The following SH3PXD2B variants were observed in gnomAD, a reference collection of about 807,000 sequenced individuals.
The protein encoded by SH3PXD2B is SH3 and PX domain-containing protein 2B.
A neutral mutation model predicts 73.1 loss-of-function variants in SH3PXD2B; 37 were observed. The ratio of observed to expected loss-of-function variants is 0.51; its 90% CI spans 0.39 to 0.67. The LOEUF (loss-of-function observed/expected upper bound fraction) is 0.67. SH3PXD2B is among the 30% of genes least tolerant of loss of function. The pLI is 0.00. For synonymous variants in SH3PXD2B, 457 were observed against 480.5 expected, an observed-to-expected ratio of 0.95 and a Z score of 0.64; for missense variants, 1,053 against 1,197.8, an observed-to-expected ratio of 0.88 and a Z score of 1.78.
chr5:172,393,515 T>C (rs1428397825), intron 4 of SH3PXD2B, among the ~76,000 whole-genome samples: 1 of 152,236 alleles, frequency 6.6e-6, no homozygotes. Flanking sequence ...CAATACTCTT[T>C]CCTTCCCAAT....
At chr5:172,397,896 C>T (rs565826444) in intron 3 of SH3PXD2B, among the ~76,000 whole-genome samples, 2 of 152,332 alleles carry the variant, frequency 1.3e-5, no homozygotes, top group African/African-American at 4.8e-5. Flanking sequence ...CTCCCAGTTA[C>T]TGTAAAAGAA....
downstream of SH3PXD2B, among the ~76,000 whole-genome samples, chr5:172,332,757 C>CTGTT (rs986669867): frequency 5.3e-4 from 80 of 152,052 alleles, no homozygotes; most frequent in African/African-American, 1.8e-3. Flanking sequence ...TGGTGGTGTC[C>CTGTT]TGTTAGTCAC....
chr5:172,422,433 T>A lies in SH3PXD2B; in HGVS notation c.139A>T (p.Lys47Ter). The change falls in exon 2 of 13, where the codon AAG (lysine) becomes TAG (stop). Residue 47 changes from lysine (K) to a stop codon, truncating the protein, a stop_gained. Coordinates refer to ENST00000311601, the MANE Select transcript of SH3PXD2B (RefSeq NM_001017995.3). LOFTEE classifies it high-confidence loss of function. The stretch of plus-strand genomic sequence containing the variant: ...ATCCTTACCTGGAGGTCAAAAAACT[T>A]GCTGTAGCGCCGGTAAATGGCCTCG... Reference protein sequence around the residue: ...STEAIYRRYSKFFDLQMQMLD... With the variant: ...STEAIYRRYS 1 of 1,611,460 alleles carries A rather than the reference T, an allele frequency of 6.2e-7. No homozygotes were observed. Among genetic ancestry groups the A allele is most frequent in the Non-Finnish European group, 8.5e-7 (1 of 1,179,266 alleles).
chr5:172,434,986 T>C (rs1469690116), intron 1 of SH3PXD2B, among the ~76,000 whole-genome samples: 1 of 152,080 alleles, frequency 6.6e-6, no homozygotes, highest in Non-Finnish European at 1.5e-5. Flanking sequence ...GGTTTCGCCA[T>C]GTTGCTCAGG....
At chr5:172,359,379 C>A (rs1757349617) in intron 7 of SH3PXD2B, among the ~76,000 whole-genome samples, 1 of 81,956 alleles carries the variant, frequency 1.2e-5, no homozygotes, top group African/African-American at 5.0e-5. Flanking sequence ...AGAGTGAGAC[C>A]CCCATCTCAA....
At chr5:172,405,480 G>C (rs546635588) in intron 3 of SH3PXD2B, among the ~76,000 whole-genome samples, 36 of 152,350 alleles carry the variant, frequency 2.4e-4, no homozygotes, top group African/African-American at 8.7e-4. Context: ...TGTTGGCTGG[G>C]AGATGGAGAG....
intron 6 of SH3PXD2B, among the ~76,000 whole-genome samples, chr5:172,365,945 TTC>T (rs1302656572): frequency 6.6e-6 from 1 of 152,194 alleles, no homozygotes; most frequent in Non-Finnish European, 1.5e-5. Context: ...GCAGTTTCCC[TTC>T]TGTCTGGGCC....
intron 6 of SH3PXD2B, among the ~76,000 whole-genome samples, chr5:172,365,521 G>A (rs147252899): frequency 1.6e-3 from 239 of 152,306 alleles, no homozygotes; most frequent in African/African-American, 5.5e-3. Flanking sequence ...GTCAGGCTCA[G>A]TCTGACATCT....
chr5:172,444,687 C>T (rs1274950044), intron 1 of SH3PXD2B, among the ~76,000 whole-genome samples: 1 of 152,222 alleles, frequency 6.6e-6, no homozygotes, highest in East Asian at 1.9e-4. Flanking sequence ...ACTGTCTGCA[C>T]ATGGCTCATT....
At chr5:172,382,927 A>G (rs1432083711) in intron 4 of SH3PXD2B, among the ~76,000 whole-genome samples, 1 of 151,012 alleles carries the variant, frequency 6.6e-6, no homozygotes, top group Non-Finnish European at 1.5e-5. Flanking sequence ...TAGTAGAGAC[A>G]GGGTTTCGGC....
intron 6 of SH3PXD2B, among the ~76,000 whole-genome samples, chr5:172,363,954 T>A (rs1757453160): frequency 6.6e-6 from 1 of 152,162 alleles, no homozygotes; most frequent in Admixed American, 6.5e-5. Context: ...GACTAGCTGG[T>A]AGACATGAAG....
chr5:172,435,605 G>A (rs1434217371), intron 1 of SH3PXD2B, among the ~76,000 whole-genome samples: 1 of 152,040 alleles, frequency 6.6e-6, no homozygotes, highest in Non-Finnish European at 1.5e-5. Flanking sequence ...AAATTTTTTT[G>A]TAGAGATGGG....
At position 172,338,325 on chromosome 5, in the gene SH3PXD2B, A is replaced by T; in HGVS notation, c.*44T>A. The T allele has an allele frequency of 6.2e-7, 1 of 1,613,318 alleles. No individual in the cohort carries two copies. Among genetic ancestry groups the T allele is most frequent in the Non-Finnish European group, 8.5e-7 (1 of 1,180,032 alleles). ...AGAGGCGTATTAAATACGTGGGTAA[A>T]GCCAGCAAGGACCAGCGGGCCCTCT... On this transcript the variant is annotated 3_prime_UTR_variant, in exon 13 of 13. Transcript: ENST00000311601. The surrounding 1 kb of genome is among the most constrained non-coding windows in gnomAD (Gnocchi z 5.1).
In SH3PXD2B at chr5:172,346,368, G is replaced by A. The variant is rs1756999610; in HGVS notation, c.1063-107C>T. 14 of 1,547,484 alleles carry A rather than the reference G, an allele frequency of 9.0e-6. No individual in the cohort carries two copies. The East Asian group carries it at 3.2e-4, about 35-fold the overall frequency. On this transcript the variant is annotated intron_variant, in intron 11 of 12. Transcript: ENST00000311601. ...GGCATGCAATCACCCTTAAGGGGGT[G>A]CTGGGGACCTAGTTGGATTCTAAGG...
chr5:172,341,675 G>A (rs968536778), intron 12 of SH3PXD2B, among the ~76,000 whole-genome samples: 1 of 152,160 alleles, frequency 6.6e-6, no homozygotes, highest in South Asian at 2.1e-4. Flanking sequence ...TTTTGAGACA[G>A]AGTCTCGCTC....
At chr5:172,405,772 C>A (rs2113428310) in intron 3 of SH3PXD2B, among the ~76,000 whole-genome samples, 1 of 152,220 alleles carries the variant, frequency 6.6e-6, no homozygotes, top group African/African-American at 2.4e-5. Flanking sequence ...GTGTTTTAAG[C>A]TATTAAATTG....
At chr5:172,358,004 ATC>A (rs1757319646) in intron 8 of SH3PXD2B, among the ~76,000 whole-genome samples, 1 of 152,108 alleles carries the variant, frequency 6.6e-6, no homozygotes, top group Admixed American at 6.5e-5. Context: ...TTGCATGTGG[ATC>A]TCATTTAATT....
rs936030741 is a variant in SH3PXD2B at position 172,338,254 on chromosome 5, C to T, written c.*115G>A. ...CATGGGAGGCAAGAAGTCACAGTAC[C>T]CCAGAGTCTGTCTGCCTTGGAAGCT... On this transcript the variant is annotated 3_prime_UTR_variant, in exon 13 of 13. Coordinates refer to ENST00000311601, the MANE Select transcript of SH3PXD2B (RefSeq NM_001017995.3). The surrounding 1 kb of genome is among the most constrained non-coding windows in gnomAD (Gnocchi z 5.1). The T allele has an allele frequency of 9.4e-5, 150 of 1,588,096 alleles. No homozygotes were observed. The highest frequency in any genetic ancestry group is 1.4e-4 in the East Asian group (6 of 43,654).
intron 1 of SH3PXD2B, among the ~76,000 whole-genome samples, chr5:172,425,961 G>A (rs1323853376): frequency 6.6e-6 from 1 of 152,164 alleles, no homozygotes; most frequent in Non-Finnish European, 1.5e-5. Context: ...CACTGGGGAT[G>A]CTTAAGCTAG....
Sources: allele counts gnomAD v4.1 joint callset (sites outside exome capture counted in the v4.1 genomes callset), GRCh38; gene constraint gnomAD v4.1.1; non-coding constraint Gnocchi (gnomAD v3.1); transcripts MANE v1.5; gene names NCBI Gene and HGNC (gene_info 2026-07-23, HGNC 2026-07-21).